KREMEN1: variants seen among roughly 807,000 people sequenced by gnomAD.
KREMEN1 encodes kremen protein 1.
A neutral mutation model predicts 46.5 loss-of-function variants in KREMEN1; 30 were observed. The ratio of observed to expected loss-of-function variants is 0.65; its 90% confidence interval spans 0.48 to 0.88. KREMEN1 has a LOEUF of 0.88. KREMEN1 is among the 40% of genes least tolerant of loss of function. The pLI is 0.00. For synonymous variants in KREMEN1, 214 were observed against 230.6 expected (o/e 0.93, Z 0.65); for missense variants, 533 against 596.9 (o/e 0.89, Z 1.11).
chr22:29,157,450 GCCTCAGCCT>G (rs962201721), intron 9 of KREMEN1, among the ~76,000 whole-genome samples: 14 of 152,354 alleles, frequency 9.2e-5, no homozygotes, highest in Non-Finnish European at 1.5e-4. Context: ...TGATTCTCCT[GCCTCAGCCT>G]CCCGAATAGC....
chr22:29,077,890 T>C (rs1279018655), intron 1 of KREMEN1, among the ~76,000 whole-genome samples: 1 of 152,176 alleles, frequency 6.6e-6, no homozygotes, highest in Non-Finnish European at 1.5e-5. Flanking sequence ...ATGTTAATAT[T>C]TTACTACAAT....
Position 29,142,474 on chromosome 22 carries a change from G to C in KREMEN1, c.*362G>C, listed in dbSNP as rs1222144209. 1 of 1,024,130 alleles carries C rather than the reference G, an allele frequency of 9.8e-7. No individual in the cohort carries two copies. The highest frequency in any genetic ancestry group is 1.2e-6 in the Non-Finnish European group (1 of 856,052). 63.4% of individuals were successfully genotyped at this position (1,024,130 alleles called of 1,614,324 possible). ...GGTACATTCTAGATGGCTGTCAGGT[G>C]GTGGGTAGCTTTAGTTACATTGAAT... is the stretch of plus-strand genomic sequence containing the variant. On this transcript the variant is annotated 3_prime_UTR_variant, in exon 9 of 9. Coordinates refer to ENST00000400335, the MANE Select transcript of KREMEN1 (RefSeq NM_001039570.3).
chr22:29,138,695 G>A lies in KREMEN1; in HGVS notation c.1036G>A (p.Ala346Thr). 1.2e-6 allele frequency: 2 copies of A among 1,614,196 alleles called. No individual in the cohort carries two copies. The highest frequency in any genetic ancestry group is 2.2e-5 in the East Asian group (1 of 44,868). Residue 346 changes from alanine to threonine, a missense_variant, in exon 7 of 9, where the codon GCC becomes ACC. Ala to Thr is a moderately conservative substitution (Grantham distance 58). Transcript: ENST00000400335. ...QTVAEVITEQ[A>T]NLSVSAARSS... ...GGTGGCCGAGGTGATCACGGAGCAGGCCAACCTCAGTGTCAGCGCTGCCCG... is the reference window on the plus strand; with the variant it reads ...GGTGGCCGAGGTGATCACGGAGCAGACCAACCTCAGTGTCAGCGCTGCCCG...
intron 5 of KREMEN1, among the ~76,000 whole-genome samples, chr22:29,131,244 C>G (rs2038528669): frequency 6.6e-6 from 1 of 151,832 alleles, no homozygotes; most frequent in Non-Finnish European, 1.5e-5. Flanking sequence ...GTAACCTGCT[C>G]AAATTCATAG....
intron 1 of KREMEN1, among the ~76,000 whole-genome samples, chr22:29,085,421 G>A (rs1344335529): frequency 6.6e-6 from 1 of 151,972 alleles, no homozygotes; most frequent in African/African-American, 2.4e-5. Context: ...TAAATGCTAA[G>A]GATTCCTTTC....
chr22:29,102,371 T>TCTG (rs1296672954), intron 3 of KREMEN1, among the ~76,000 whole-genome samples: 1 of 152,210 alleles, frequency 6.6e-6, no homozygotes, highest in African/African-American at 2.4e-5. Flanking sequence ...TTTTGCTCAG[T>TCTG]CTGCTTAATC....
At chr22:29,147,483 T>G (rs1466348105), downstream of KREMEN1, among the ~76,000 whole-genome samples, 1 of 152,218 alleles carries the variant, frequency 6.6e-6, no homozygotes. Flanking sequence ...ATGGAGAGGC[T>G]GTGGGGGACA....
intron 3 of KREMEN1, among the ~76,000 whole-genome samples, chr22:29,108,688 T>C (rs2038098007): frequency 6.6e-6 from 1 of 152,242 alleles, no homozygotes; most frequent in South Asian, 2.1e-4. Context: ...CTCTTTTTTA[T>C]CTAACTGACC....
At chr22:29,100,339 C>T (rs1454856102) in intron 3 of KREMEN1, among the ~76,000 whole-genome samples, 6 of 152,140 alleles carry the variant, frequency 3.9e-5, no homozygotes, top group Non-Finnish European at 1.5e-5. Flanking sequence ...GTCTTGAACT[C>T]CTGACCTCAG....
chr22:29,119,993 CAG>C (rs775567694), intron 3 of KREMEN1, among the ~76,000 whole-genome samples: 84 of 140,544 alleles, frequency 6.0e-4, no homozygotes, highest in African/African-American at 2.5e-3. Context: ...ACAATGGAAA[CAG>C]AGGGAGGAAG....
chr22:29,112,356 C>A (rs570789022), intron 3 of KREMEN1, among the ~76,000 whole-genome samples: 1 of 152,244 alleles, frequency 6.6e-6, no homozygotes, highest in East Asian at 1.9e-4. Flanking sequence ...AGCAGATGCT[C>A]TGAGAAGGTG....
In KREMEN1 at chr22:29,141,996, A is replaced by T; in HGVS notation, c.1261A>T (p.Thr421Ser). The change falls in exon 9 of 9, where the codon ACT becomes TCT. Residue 421 changes from threonine (T) to serine (S), a missense_variant. Transcript: ENST00000400335. ...CCTTAGGGATTGTCATCAACCAGGGACTTCGGGGGAAATCTGGAGCATTTT... is the reference window on the plus strand; with the variant it reads ...CCTTAGGGATTGTCATCAACCAGGGTCTTCGGGGGAAATCTGGAGCATTTT... Reference protein sequence around the residue: ...GDLRDCHQPGTSGEIWSIFYK... With the variant: ...GDLRDCHQPGSSGEIWSIFYK... 1.2e-6 allele frequency: 2 copies of T among 1,613,324 alleles called. No individual in the cohort carries two copies. The highest frequency in any genetic ancestry group is 1.7e-6 in the Non-Finnish European group (2 of 1,179,654).
chr22:29,159,534 G>T (rs901735903), intron 9 of KREMEN1, among the ~76,000 whole-genome samples: 1 of 152,108 alleles, frequency 6.6e-6, no homozygotes, highest in African/African-American at 2.4e-5. Flanking sequence ...CAGGAGAATT[G>T]CATGAACCCA....
chr22:29,121,377 T>C lies in KREMEN1; in HGVS notation c.373T>C (p.Tyr125His). The stretch of plus-strand genomic sequence containing the variant: ...TTTAGTGCCTGGAAACCTTGGCTGC[T>C]ACAAGGATCATGGAAACCCACCTCC... ...ACQMPGNLGC[Y>H]KDHGNPPPLT... Residue 125 changes from tyrosine to histidine, a missense_variant, in exon 4 of 9, where the codon TAC becomes CAC. Tyr to His is a moderately conservative substitution (Grantham distance 83, BLOSUM62 2). Transcript: ENST00000400335. The C allele has an allele frequency of 2.5e-6, 4 of 1,614,064 alleles. No individual in the cohort carries two copies. Among genetic ancestry groups the C allele is most frequent in the South Asian group, 1.1e-5 (1 of 91,084 alleles).
rs2038228303 is a variant in KREMEN1 at position 29,115,738 on chromosome 22, T to A, written c.353-5619T>A. ...CTTGTGGGGGATAGGGTGGGGAGGA[T>A]GGGAGGGCCATGGGGCTTCCCAGGG... On this transcript the variant is annotated intron_variant, in intron 3 of 8. Coordinates refer to ENST00000400335, the MANE Select transcript of KREMEN1 (RefSeq NM_001039570.3). Among the ~76,000 whole-genome samples, 4 of 152,160 alleles carry A rather than the reference T, an allele frequency of 2.6e-5. No individual in the cohort carries two copies. The South Asian group carries it at 8.3e-4, about 32-fold the overall frequency.
At position 29,159,413 on chromosome 22, in the gene KREMEN1, G is replaced by A. The variant is rs1233884847; in HGVS notation, c.1417-7631G>A. ...AGGCGGGTGGATCTTGAGGTCAGGAGTTCGAGACCAGCCTGACCAACATGG... is the reference window on the plus strand; with the variant it reads ...AGGCGGGTGGATCTTGAGGTCAGGAATTCGAGACCAGCCTGACCAACATGG... On this transcript the variant is annotated intron_variant, in intron 9 of 9. Transcript: ENST00000327813. 7.9e-5 allele frequency among the ~76,000 whole-genome samples: 12 copies of A among 151,502 alleles called. No homozygotes were observed. In the East Asian group the frequency reaches 8.0e-4, roughly 10 times the overall value.
chr22:29,150,193 C>G (rs4823016), downstream of KREMEN1, among the ~76,000 whole-genome samples: 20,548 of 149,800 alleles, frequency 0.14, 1,536 homozygotes, highest in African/African-American at 0.18. Context: ...CCAGGCCTCC[C>G]CTGAATGGGC....
At chr22:29,081,285 A>T (rs1274958269) in intron 1 of KREMEN1, among the ~76,000 whole-genome samples, 1 of 152,138 alleles carries the variant, frequency 6.6e-6, no homozygotes, top group Non-Finnish European at 1.5e-5. Context: ...AGAAACCTTA[A>T]TTCAGTAAGG....
intron 5 of KREMEN1, among the ~76,000 whole-genome samples, chr22:29,131,604 A>G (rs1330152170): frequency 7.5e-6 from 1 of 133,006 alleles, no homozygotes; most frequent in East Asian, 2.3e-4. Context: ...GTATATGTAT[A>G]TATGTGTGTA....
Sources: allele counts gnomAD v4.1 joint callset (sites outside exome capture counted in the v4.1 genomes callset), GRCh38; gene constraint gnomAD v4.1.1; transcripts MANE v1.5; gene names NCBI Gene and HGNC (gene_info 2026-07-23, HGNC 2026-07-21).